The following ARHGEF38 variants were observed in gnomAD, a reference collection of about 807,000 sequenced individuals.
ARHGEF38 encodes the protein Rho guanine nucleotide exchange factor 38.
Under a neutral mutation model 79.9 loss-of-function variants are expected in ARHGEF38, and 79 were observed. That is an observed-to-expected ratio of 0.99 (90% CI 0.82 to 1.19). ARHGEF38 has a LOEUF of 1.19. Ranked by LOEUF, ARHGEF38 falls within the 50% of genes most tolerant of loss-of-function variation. The probability of loss-of-function intolerance (pLI) is 0.00; values close to 1 mark genes in which losing one functional copy is unlikely to be tolerated. For missense variants in ARHGEF38, 962 were observed against 907.2 expected, an observed-to-expected ratio of 1.06 and a Z score of -0.78; for synonymous variants, 366 against 328.3, an observed-to-expected ratio of 1.11 and a Z score of -1.24.
chr4:105,556,144 A>G lies in ARHGEF38; in HGVS notation c.196+3183A>G, dbSNP rs575340091. Among the ~76,000 whole-genome samples, 9 of 152,244 alleles carry G rather than the reference A, an allele frequency of 5.9e-5. No individual in the cohort carries two copies. The East Asian group carries it at 1.7e-3, about 29-fold the overall frequency. ...TGTTATACCTTGTTCTTTGAAATTA[A>G]TTTTTCTCAAGGCCCTTGATACATT... is the stretch of plus-strand genomic sequence containing the variant. On this transcript the variant is annotated intron_variant, in intron 1 of 13. Coordinates refer to ENST00000420470, the MANE Select transcript of ARHGEF38 (RefSeq NM_001242729.2).
At chr4:105,589,966 G>T (rs1476845628) in intron 2 of ARHGEF38, among the ~76,000 whole-genome samples, 1 of 151,400 alleles carries the variant, frequency 6.6e-6, no homozygotes, top group Non-Finnish European at 1.5e-5. Flanking sequence ...TTGAACCCGG[G>T]AGACAGAGGT....
intron 1 of ARHGEF38, among the ~76,000 whole-genome samples, chr4:105,582,164 C>A (rs369830465): frequency 3.5e-3 from 411 of 118,170 alleles, no homozygotes; most frequent in South Asian, 5.5e-3. Context: ...GACTCCGTCT[C>A]AAAAAAAAAA....
intron 2 of ARHGEF38, among the ~76,000 whole-genome samples, chr4:105,589,692 T>C (rs1375860809): frequency 2.0e-5 from 3 of 152,030 alleles, no homozygotes; most frequent in African/African-American, 4.8e-5. Context: ...ATATGTTATA[T>C]GGTGTGAAGT....
At chr4:105,565,999 C>G (rs2866796) in intron 1 of ARHGEF38, among the ~76,000 whole-genome samples, 130,594 of 152,162 alleles carry the variant, frequency 0.86, 56,127 homozygotes, top group East Asian at 0.95. Flanking sequence ...ACTGTCCATG[C>G]GAAGAGCCAC....
intron 4 of ARHGEF38, chr4:105,632,578 A>C (rs1182129695): frequency 6.6e-6 from 1 of 152,210 alleles, no homozygotes; most frequent in Non-Finnish European, 1.5e-5. Context: ...GGGAAAAAAA[A>C]GGAAATGGTG....
At position 105,677,867 on chromosome 4, in the gene ARHGEF38, GGTT is replaced by G; in HGVS notation, c.2265_2267del (p.Trp755_Leu756delinsTer). ...GACCTAAGTGGCAATAAAGAGTGGT[GGTT>G]AGCTGAAGCTCAAGGGCAGAAAGGA... On this transcript the variant is annotated stop_gained and inframe_deletion, in exon 14 of 14. Transcript: ENST00000420470. LOFTEE classifies it high-confidence loss of function. The G allele has an allele frequency of 1.3e-6, 2 of 1,535,014 alleles. No individual in the cohort carries two copies. Among genetic ancestry groups the G allele is most frequent in the Non-Finnish European group, 1.7e-6 (2 of 1,146,116 alleles).
rs1731258643 is a variant in ARHGEF38 at position 105,680,113 on chromosome 4, T to A, written c.*2176T>A. The A allele has an allele frequency of 2.7e-6, 2 of 734,648 alleles. No individual in the cohort carries two copies. Among genetic ancestry groups the A allele is most frequent in the African/African-American group, 3.5e-5 (2 of 57,748 alleles). The allele number at this position is 734,648 out of a possible 1,614,324, so 45.5% of individuals were successfully genotyped here. On this transcript the variant is annotated 3_prime_UTR_variant, in exon 14 of 14. Coordinates refer to ENST00000420470, the MANE Select transcript of ARHGEF38 (RefSeq NM_001242729.2). ...GGACATCTCATTTTCATCTGTGTTT[T>A]ATAAAGGAGGAAATTGAGGACCTCA... is the stretch of plus-strand genomic sequence containing the variant.
intron 3 of ARHGEF38, among the ~76,000 whole-genome samples, chr4:105,620,841 T>C (rs920909051): frequency 1.3e-5 from 2 of 152,230 alleles, no homozygotes; most frequent in African/African-American, 4.8e-5. Context: ...TAGTGTCATA[T>C]TGACTCTGGA....
intron 2 of ARHGEF38, among the ~76,000 whole-genome samples, chr4:105,604,303 C>G (rs1727950027): frequency 6.6e-6 from 1 of 152,118 alleles, no homozygotes; most frequent in Admixed American, 6.6e-5. Flanking sequence ...CCTGGAAACA[C>G]CAGAATTTAC....
chr4:105,664,401 A>C (rs13145251), intron 10 of ARHGEF38, among the ~76,000 whole-genome samples: 1 of 151,924 alleles, frequency 6.6e-6, no homozygotes, highest in African/African-American at 2.4e-5. Flanking sequence ...TAAAAATAAG[A>C]CTCTTGTGTT....
At chr4:105,644,304 A>G (rs1266776905) in intron 5 of ARHGEF38, among the ~76,000 whole-genome samples, 1 of 152,192 alleles carries the variant, frequency 6.6e-6, no homozygotes, top group Non-Finnish European at 1.5e-5. Context: ...ACATCCACCT[A>G]TTGGGATTTG....
intron 1 of ARHGEF38, among the ~76,000 whole-genome samples, chr4:105,562,025 CTG>C (rs1725657021): frequency 6.6e-6 from 1 of 151,588 alleles, no homozygotes; most frequent in African/African-American, 2.4e-5. Flanking sequence ...CTCCCTGTCT[CTG>C]ATGATGAGAA....
At chr4:105,591,155 G>C (rs1325984976) in intron 2 of ARHGEF38, among the ~76,000 whole-genome samples, 1 of 152,162 alleles carries the variant, frequency 6.6e-6, no homozygotes, top group Non-Finnish European at 1.5e-5. Flanking sequence ...TTGCTAGCCT[G>C]TCATGCCCCC....
chr4:105,580,915 T>C (rs1363874478), intron 1 of ARHGEF38, among the ~76,000 whole-genome samples: 1 of 152,148 alleles, frequency 6.6e-6, no homozygotes, highest in Non-Finnish European at 1.5e-5. Flanking sequence ...CCTCAAATGA[T>C]CCACCAACCT....
In ARHGEF38 at chr4:105,678,001, A is replaced by C; in HGVS notation, c.*64A>C. ...TGATTGACTACCTCATAAAACTGAC[A>C]TTACAAAACTTTGGACCAGAAAGCA... On this transcript the variant is annotated 3_prime_UTR_variant, in exon 14 of 14. Transcript: ENST00000420470. The C allele has an allele frequency of 2.2e-6, 3 of 1,381,800 alleles. No individual in the cohort carries two copies. The East Asian group carries it at 7.5e-5, about 35-fold the overall frequency. 85.6% of individuals were successfully genotyped at this position (1,381,800 alleles called of 1,614,324 possible). A position where few individuals can be genotyped will look rare whatever the true frequency, so the allele number is the denominator to read the frequency against.
rs554678821 is a variant in ARHGEF38 at position 105,672,085 on chromosome 4, C to G, written c.2148+4382C>G. 9.2e-5 allele frequency among the ~76,000 whole-genome samples: 14 copies of G among 152,182 alleles called. No individual in the cohort carries two copies. The South Asian group carries it at 2.7e-3, about 29-fold the overall frequency. On this transcript the variant is annotated intron_variant, in intron 13 of 13. Transcript: ENST00000420470. ...ATTTCAAACTTAGATTCTAGTGGCTCTGTGATTTTTATACTAGAGCTGAAT... is the reference window on the plus strand; with the variant it reads ...ATTTCAAACTTAGATTCTAGTGGCTGTGTGATTTTTATACTAGAGCTGAAT...
intron 2 of ARHGEF38, among the ~76,000 whole-genome samples, chr4:105,593,643 T>C (rs953688952): frequency 4.6e-5 from 7 of 152,232 alleles, no homozygotes; most frequent in African/African-American, 1.7e-4. Context: ...GTTTACCTTA[T>C]ATGAAAATGT....
At chr4:105,681,710 C>T (rs768911104), downstream of ARHGEF38, among the ~76,000 whole-genome samples, 1 of 152,164 alleles carries the variant, frequency 6.6e-6, no homozygotes. Flanking sequence ...TTATATCCTA[C>T]TGTTCAAGGT....
chr4:105,579,826 A>G lies in ARHGEF38; in HGVS notation c.197-9422A>G, dbSNP rs565273432. Among the ~76,000 whole-genome samples the G allele has an allele frequency of 2.6e-5, 4 of 152,148 alleles. No individual in the cohort carries two copies. In the East Asian group the frequency reaches 5.8e-4, roughly 22 times the overall value. ...GAATAATATCAGCTTTTATTCGTAC[A>G]TGTGTTTGAATTTGGCTGTGAATCC... On this transcript the variant is annotated intron_variant, in intron 1 of 13. Transcript: ENST00000420470.
Sources: gnomAD v4.1 joint callset for allele counts (sites outside exome capture counted in the v4.1 genomes callset) on GRCh38, gnomAD v4.1.1 for gene constraint, MANE v1.5 for transcripts, NCBI Gene and HGNC (gene_info 2026-07-23, HGNC 2026-07-21) for gene names.